The following GNAL variants were observed in gnomAD, a reference collection of about 807,000 sequenced individuals.
The protein encoded by GNAL is G protein subunit alpha L.
In GNAL, 18 loss-of-function variants were observed where a neutral mutation model predicts 55.1. The observed-to-expected ratio is 0.33, with a 90% CI of 0.23 to 0.48. GNAL has a LOEUF of 0.48. GNAL is among the 20% of genes least tolerant of loss of function. The pLI is 0.99. For synonymous variants in GNAL, 253 were observed against 237.0 expected (o/e 1.07, Z -0.62); for missense variants, 412 against 614.1 (o/e 0.67, Z 3.48).
intron 4 of GNAL, among the ~76,000 whole-genome samples, chr18:11,814,194 T>C (rs189467820): frequency 6.6e-6 from 1 of 152,224 alleles, no homozygotes; most frequent in Non-Finnish European, 1.5e-5. Context: ...AATGGATTAA[T>C]TGGACATCAG....
intron 5 of GNAL, among the ~76,000 whole-genome samples, chr18:11,835,132 C>G (rs1189474344): frequency 6.6e-6 from 1 of 152,164 alleles, no homozygotes; most frequent in Non-Finnish European, 1.5e-5. Context: ...CAGATATACA[C>G]TTAAGATTTC....
In GNAL at chr18:11,808,866, A is replaced by C. The variant is rs76088741; in HGVS notation, c.625-16052A>C. On this transcript the variant is annotated intron_variant, in intron 4 of 11. Transcript: ENST00000334049. ...ACATGCCATATCAGAGATGACCCTTAGAAACATCATGCTAAGTCAGAGAAG... is the reference window on the plus strand; with the variant it reads ...ACATGCCATATCAGAGATGACCCTTCGAAACATCATGCTAAGTCAGAGAAG... 2.4e-4 allele frequency among the ~76,000 whole-genome samples: 36 copies of C among 152,396 alleles called. No individual in the cohort carries two copies. In the East Asian group the frequency reaches 3.1e-3, roughly 13 times the overall value.
intron 1 of GNAL, among the ~76,000 whole-genome samples, chr18:11,692,288 C>A (rs1378726525): frequency 3.9e-5 from 6 of 151,982 alleles, no homozygotes; most frequent in Admixed American, 1.3e-4. Flanking sequence ...TAATTTAAAA[C>A]AACATAAACC....
intron 1 of GNAL, among the ~76,000 whole-genome samples, chr18:11,735,840 A>G (rs964415995): frequency 3.9e-5 from 6 of 152,042 alleles, no homozygotes; most frequent in Non-Finnish European, 8.8e-5. Flanking sequence ...GGAGAAAAAA[A>G]TGCAAGGTCA....
Position 11,751,739 on chromosome 18 carries a change from G to A in GNAL, c.377-1114G>A. On this transcript the variant is annotated intron_variant, in intron 1 of 11. Coordinates refer to ENST00000334049, the MANE Select transcript of GNAL (RefSeq NM_182978.4). This position sits in a 1 kb window ranked among gnomAD's most constrained non-coding sequence, Gnocchi z 4.5. Reference sequence around the variant, plus strand: ...CCCCAGCCGGCCGGGCTCCGTGGGGGGTCAGCTCCCTGACCCCTACAGCGC... The same window carrying A: ...CCCCAGCCGGCCGGGCTCCGTGGGGAGTCAGCTCCCTGACCCCTACAGCGC... 1.2e-6 allele frequency: 1 copy of A among 836,400 alleles called. No individual in the cohort carries two copies. Among genetic ancestry groups the A allele is most frequent in the Non-Finnish European group, 1.4e-6 (1 of 693,574 alleles). 51.8% of individuals were successfully genotyped at this position (836,400 alleles called of 1,614,324 possible).
At chr18:11,876,418 A>G (rs957220780) in intron 10 of GNAL, among the ~76,000 whole-genome samples, 4 of 143,358 alleles carry the variant, frequency 2.8e-5, no homozygotes, top group Non-Finnish European at 4.6e-5. Flanking sequence ...AGCCGAGATC[A>G]TGCCACTGCA....
At chr18:11,815,192 C>A (rs1206842532) in intron 4 of GNAL, among the ~76,000 whole-genome samples, 1 of 152,108 alleles carries the variant, frequency 6.6e-6, no homozygotes, top group Non-Finnish European at 1.5e-5. Context: ...CAGATTTGAT[C>A]ATTATACTAT....
In GNAL at chr18:11,751,197, C is replaced by T. The variant is rs925730846; in HGVS notation, c.377-1656C>T. ...TCTCCACGCCCACGGCTGGTGTCCA[C>T]GACTTCGGCCCGGCCCCCTCTTCTG... On this transcript the variant is annotated intron_variant, in intron 1 of 11. Coordinates refer to ENST00000334049, the MANE Select transcript of GNAL (RefSeq NM_182978.4). This position sits in a 1 kb window ranked among gnomAD's most constrained non-coding sequence, Gnocchi z 4.5. Among the ~76,000 whole-genome samples, 3 of 152,184 alleles carry T rather than the reference C, an allele frequency of 2.0e-5. No individual in the cohort carries two copies. Among genetic ancestry groups the T allele is most frequent in the African/African-American group, 7.2e-5 (3 of 41,448 alleles).
chr18:11,849,551 C>T (rs940056080), intron 5 of GNAL, among the ~76,000 whole-genome samples: 9 of 150,546 alleles, frequency 6.0e-5, no homozygotes, highest in Non-Finnish European at 7.4e-5. Context: ...AACTATGGAG[C>T]ATGACATGGA....
intron 1 of GNAL, among the ~76,000 whole-genome samples, chr18:11,732,669 A>G (rs1399349184): frequency 1.3e-5 from 2 of 152,258 alleles, no homozygotes; most frequent in Non-Finnish European, 2.9e-5. Context: ...ATTCAGTGCT[A>G]ACAAGTTTTA....
At chr18:11,802,503 C>G (rs947712846) in intron 4 of GNAL, among the ~76,000 whole-genome samples, 2 of 152,176 alleles carry the variant, frequency 1.3e-5, no homozygotes, top group African/African-American at 4.8e-5. Context: ...CAGGCAGTGG[C>G]TCACCCTCTA....
intron 1 of GNAL, among the ~76,000 whole-genome samples, chr18:11,719,157 CATT>C (rs1248671779): frequency 2.0e-5 from 3 of 151,932 alleles, no homozygotes; most frequent in Non-Finnish European, 4.4e-5. Context: ...TATTTAAAAA[CATT>C]ATAACTACAT....
intron 4 of GNAL, among the ~76,000 whole-genome samples, chr18:11,754,693 T>A (rs796908749): frequency 2.6e-5 from 4 of 152,322 alleles, no homozygotes; most frequent in African/African-American, 9.6e-5. Context: ...AGCCTTCAGA[T>A]CAATTGAGAA....
intron 4 of GNAL, among the ~76,000 whole-genome samples, chr18:11,785,711 G>A (rs919195825): frequency 6.6e-6 from 1 of 152,122 alleles, no homozygotes; most frequent in African/African-American, 2.4e-5. Flanking sequence ...GTTCAGGCCG[G>A]TGTATGAGAG....
intron 1 of GNAL, among the ~76,000 whole-genome samples, chr18:11,749,434 G>A (rs1440396005): frequency 2.6e-5 from 4 of 152,090 alleles, no homozygotes; most frequent in Non-Finnish European, 4.4e-5. Flanking sequence ...TATTTTTTAC[G>A]TGTGGTCATG....
At chr18:11,876,198 G>C (rs925811192) in intron 10 of GNAL, among the ~76,000 whole-genome samples, 2 of 152,178 alleles carry the variant, frequency 1.3e-5, no homozygotes, top group African/African-American at 4.8e-5. Context: ...TACATGTTTG[G>C]CTGGGCGCAG....
At chr18:11,846,543 T>C (rs2035745333) in intron 5 of GNAL, among the ~76,000 whole-genome samples, 2 of 150,804 alleles carry the variant, frequency 1.3e-5, no homozygotes, top group East Asian at 1.9e-4. Context: ...TTATAGCTCA[T>C]TGTAGTCTCG....
intron 1 of GNAL, among the ~76,000 whole-genome samples, chr18:11,739,106 G>T (rs74738629): frequency 1.9e-3 from 295 of 152,328 alleles, no homozygotes; most frequent in African/African-American, 6.8e-3. Context: ...ATCCCTGGGG[G>T]CACTTGGTGC....
At chr18:11,813,799 G>GC (rs996438514) in intron 4 of GNAL, among the ~76,000 whole-genome samples, 4 of 152,110 alleles carry the variant, frequency 2.6e-5, no homozygotes, top group East Asian at 1.9e-4. Context: ...GGTGGCTTGA[G>GC]CCCAGGAGGT....
Sources: allele counts gnomAD v4.1 joint callset (sites outside exome capture counted in the v4.1 genomes callset), GRCh38; gene constraint gnomAD v4.1.1; non-coding constraint Gnocchi (gnomAD v3.1); transcripts MANE v1.5; gene names NCBI Gene and HGNC (gene_info 2026-07-23, HGNC 2026-07-21).